The following ITGA11 variants were observed in gnomAD, a reference collection of about 807,000 sequenced individuals.
The protein encoded by ITGA11 is integrin subunit alpha 11, also known as integrin alpha-11.
Under a neutral mutation model 141.9 loss-of-function variants are expected in ITGA11, and 97 were observed. That is an observed-to-expected ratio of 0.68 (90% CI 0.58 to 0.81). The LOEUF is 0.81. Ranked by LOEUF, ITGA11 falls within the 30% of genes least tolerant of loss-of-function variation. ITGA11 has a pLI of 0.00. For synonymous variants in ITGA11, 658 were observed against 624.6 expected (o/e 1.05, Z -0.80); for missense variants, 1,387 against 1,559.2 (o/e 0.89, Z 1.86).
At chr15:68,423,265 A>T (rs563218965) in intron 1 of ITGA11, among the ~76,000 whole-genome samples, 2 of 152,098 alleles carry the variant, frequency 1.3e-5, no homozygotes, top group Non-Finnish European at 2.9e-5. Flanking sequence ...CGGGGGAAGT[A>T]CAGGACACCT....
Position 68,301,284 on chromosome 15 carries a change from TACTG to T in ITGA11, c.*1771_*1774del, listed in dbSNP as rs1316125186. Reference sequence around the variant, plus strand: ...ATCAAATTATTTCCAAGGTTCTACTTACTGGGAATCCAAGACATGAATGGCACAA... The same window carrying T: ...ATCAAATTATTTCCAAGGTTCTACTTGGAATCCAAGACATGAATGGCACAA... On this transcript the variant is annotated 3_prime_UTR_variant, in exon 30 of 30. Transcript: ENST00000315757. The surrounding 1 kb of genome is among the most constrained non-coding windows in gnomAD (Gnocchi z 4.4). 1 of 152,196 alleles carries T rather than the reference TACTG, an allele frequency of 6.6e-6. No homozygotes were observed. The highest frequency in any genetic ancestry group is 2.4e-5 in the African/African-American group (1 of 41,444). 9.4% of individuals were successfully genotyped at this position (152,196 alleles called of 1,614,324 possible). A position where few individuals can be genotyped will look rare whatever the true frequency, so the allele number is the denominator to read the frequency against.
At position 68,313,855 on chromosome 15, in the gene ITGA11, G is replaced by A. The variant is rs769771137; in HGVS notation, c.2806C>T (p.Arg936Trp). Reference sequence around the variant, plus strand: ...ACGTTGTCTTCCTTGGTGCTGTCCCGCTCATTACTGTCACTGCAAGGAGAG... The same window carrying A: ...ACGTTGTCTTCCTTGGTGCTGTCCCACTCATTACTGTCACTGCAAGGAGAG... ...ELAAGSDSNE[R>W]DSTKEDNVAP... The change falls in exon 23 of 30, where the codon CGG becomes TGG. Residue 936 changes from arginine to tryptophan, a missense_variant. Transcript: ENST00000315757. 3.2e-5 allele frequency: 51 copies of A among 1,613,670 alleles called. No homozygotes were observed. The highest frequency in any genetic ancestry group is 2.2e-4 in the Admixed American group (13 of 59,998).
chr15:68,373,698 G>T (rs1272140350), intron 2 of ITGA11, among the ~76,000 whole-genome samples: 4 of 152,170 alleles, frequency 2.6e-5, no homozygotes, highest in African/African-American at 9.7e-5. Context: ...CCAATCAAGT[G>T]AATCTCAAGA....
intron 1 of ITGA11, among the ~76,000 whole-genome samples, chr15:68,428,286 G>A (rs1282544320): frequency 6.6e-6 from 1 of 152,176 alleles, no homozygotes; most frequent in Non-Finnish European, 1.5e-5. Context: ...GAATGCAAGG[G>A]AAGGTCCCTG....
chr15:68,403,096 G>T, intron 1 of ITGA11, 67 bp from the exon 2 acceptor site: 2 of 1,066,440 alleles, frequency 1.9e-6, no homozygotes, highest in Non-Finnish European at 2.9e-6. Flanking sequence ...GCCCTGGGCT[G>T]TGTCAGGACC....
rs551088304 is a variant in ITGA11 at position 68,304,539 on chromosome 15, C to T, written c.3382-654G>A. Among the ~76,000 whole-genome samples the T allele has an allele frequency of 3.3e-5, 5 of 152,254 alleles. No homozygotes were observed. The highest frequency in any genetic ancestry group is 1.2e-4 in the African/African-American group (5 of 41,538). On this transcript the variant is annotated intron_variant, in intron 28 of 29. Coordinates refer to ENST00000315757, the MANE Select transcript of ITGA11 (RefSeq NM_001004439.2). This position sits in a 1 kb window ranked among gnomAD's most constrained non-coding sequence, Gnocchi z 6.1. ...CAGGGCGTGAAGGTCAGAAAGTAAG[C>T]CCAGGCCAGCTCCCTCAGTCCTGTG...
rs117981405 is a variant in ITGA11, at chr15:68,327,184, G to T, written c.2069-388C>A. Among the ~76,000 whole-genome samples, 422 of 152,218 alleles carry T rather than the reference G, an allele frequency of 2.8e-3. 13 individuals are homozygous for T. In the East Asian group the frequency reaches 0.06, roughly 22 times the overall value. ...CCTGGGCTCTGGGATCCCCCTCAGG[G>T]CTGGTCAGAGCCTTTGCTGGGTACT... On this transcript the variant is annotated intron_variant, in intron 16 of 29. Transcript: ENST00000315757.
intron 1 of ITGA11, among the ~76,000 whole-genome samples, chr15:68,405,404 T>C (rs944573574): frequency 6.6e-6 from 1 of 152,068 alleles, no homozygotes; most frequent in Non-Finnish European, 1.5e-5. Flanking sequence ...CTACCTGCTA[T>C]GGGTACAGGG....
chr15:68,358,434 G>A, intron 6 of ITGA11, 24 bp downstream of exon 6: 2 of 1,590,092 alleles, frequency 1.3e-6, no homozygotes, highest in South Asian at 1.2e-5. Context: ...GTTCAGAAGT[G>A]GAAAGAGCCC....
chr15:68,327,637 C>G (rs574689812), intron 16 of ITGA11, among the ~76,000 whole-genome samples: 28 of 152,242 alleles, frequency 1.8e-4, no homozygotes, highest in Admixed American at 5.9e-4. Flanking sequence ...AGTGATGGAC[C>G]CTCAGAAGGA....
Position 68,432,055 on chromosome 15 carries a change from G to T in ITGA11, c.12C>A (p.Pro4=). Residue 4 remains proline (P), a synonymous_variant, in exon 1 of 30, where the codon CCC becomes CCA. Transcript: ENST00000315757. ...GCGCCCAGGCCACCACCAGGCCCCT[G>T]GGCAGGTCCATGGCCCGCGGCACGG... MDL[P]RGLVVAWALS... The T allele has an allele frequency of 1.5e-6, 2 of 1,365,658 alleles. No individual in the cohort carries two copies. The highest frequency in any genetic ancestry group is 1.9e-6 in the Non-Finnish European group (2 of 1,060,396). 84.6% of individuals were successfully genotyped at this position (1,365,658 alleles called of 1,614,324 possible).
In ITGA11 at chr15:68,399,421, T is replaced by C. The variant is rs148549141; in HGVS notation, c.164+3497A>G. On this transcript the variant is annotated intron_variant, in intron 2 of 29. Transcript: ENST00000315757. ...TGGAGATTTCTCAGAGAACTAAAAA[T>C]AGAATTACTATTTGACCCAGCAATC... Among the ~76,000 whole-genome samples, 35 of 152,208 alleles carry C rather than the reference T, an allele frequency of 2.3e-4. No individual in the cohort carries two copies. The East Asian group carries it at 6.6e-3, about 29-fold the overall frequency.
Position 68,335,657 on chromosome 15 carries a change from C to A in ITGA11, c.1425+40G>T. On this transcript the variant is annotated intron_variant, in intron 12 of 29. Coordinates refer to ENST00000315757, the MANE Select transcript of ITGA11 (RefSeq NM_001004439.2). The surrounding 1 kb of genome is among the most constrained non-coding windows in gnomAD (Gnocchi z 4.9). ...CCCTCCCATTTGTCTGATCTGCCCCCTCTTCCCTCCATCCCGGCCCCAGGC... is the reference window on the plus strand; with the variant it reads ...CCCTCCCATTTGTCTGATCTGCCCCATCTTCCCTCCATCCCGGCCCCAGGC... 2.5e-6 allele frequency: 4 copies of A among 1,606,734 alleles called. No homozygotes were observed. The highest frequency in any genetic ancestry group is 3.4e-6 in the Non-Finnish European group (4 of 1,176,076).
intron 10 of ITGA11, 24 bp downstream of exon 10, chr15:68,348,806 T>C (rs202129449): frequency 3.8e-4 from 604 of 1,594,776 alleles, no homozygotes; most frequent in Non-Finnish European, 4.7e-4. Flanking sequence ...GGCTGGGCTC[T>C]GTGCCCGTAC....
At chr15:68,350,590 G>A (rs750903079) in intron 9 of ITGA11, 27 bp downstream of exon 9, 5 of 1,602,284 alleles carry the variant, frequency 3.1e-6, no homozygotes, top group Non-Finnish European at 4.3e-6. Context: ...GGAGAGAGTG[G>A]ATCCCCTCTT....
chr15:68,339,989 A>T (rs1405819396), intron 10 of ITGA11, among the ~76,000 whole-genome samples: 1 of 151,596 alleles, frequency 6.6e-6, no homozygotes, highest in Non-Finnish European at 1.5e-5. Context: ...GCCACTGTCC[A>T]CTCCTTCTGA....
chr15:68,365,268 C>A (rs1372962444), intron 3 of ITGA11: 1 of 985,294 alleles, frequency 1.0e-6, no homozygotes, highest in African/African-American at 1.7e-5. Flanking sequence ...TCTGAACAAT[C>A]AACATGTGAC....
chr15:68,373,468 TAGG>T (rs1473790443), intron 2 of ITGA11, among the ~76,000 whole-genome samples: 6 of 152,328 alleles, frequency 3.9e-5, no homozygotes, highest in Admixed American at 1.3e-4. Context: ...TTTCCATGCA[TAGG>T]AGTTCAATGG....
At chr15:68,382,038 T>G (rs1274278425) in intron 2 of ITGA11, among the ~76,000 whole-genome samples, 1 of 152,216 alleles carries the variant, frequency 6.6e-6, no homozygotes, top group Non-Finnish European at 1.5e-5. Flanking sequence ...GGAATCATTG[T>G]TTACATGGAC....
Sources: allele counts gnomAD v4.1 joint callset (sites outside exome capture counted in the v4.1 genomes callset), GRCh38; gene constraint gnomAD v4.1.1; non-coding constraint Gnocchi (gnomAD v3.1); transcripts MANE v1.5; gene names NCBI Gene and HGNC (gene_info 2026-07-23, HGNC 2026-07-21).